Variants in MPDZ observed in about 807,000 individuals in gnomAD.
The protein encoded by MPDZ is multiple PDZ domain protein.
In MPDZ, 234 loss-of-function variants were observed where a neutral mutation model predicts 239.1. The ratio of observed to expected loss-of-function variants is 0.98; its 90% CI spans 0.88 to 1.09. MPDZ has a LOEUF of 1.09. Ranked by LOEUF, MPDZ falls within the 50% of genes least tolerant of loss-of-function variation. The pLI, the probability that MPDZ is intolerant of heterozygous loss-of-function variation, is 0.00. For synonymous variants in MPDZ, 1,048 were observed against 881.3 expected (o/e 1.19, Z -3.35); for missense variants, 3,175 against 2,510.0 (o/e 1.26, Z -5.66).
At chr9:13,146,947 C>T (rs1246698894) in intron 26 of MPDZ, among the ~76,000 whole-genome samples, 1 of 151,914 alleles carries the variant, frequency 6.6e-6, no homozygotes, top group Non-Finnish European at 1.5e-5. Context: ...GATGGCAAAA[C>T]GGGTTGGTAG....
rs544344037 is a variant in MPDZ at position 13,176,953 on chromosome 9, C to T, written c.2650-536G>A. ...TAGAAAGTTTTACAATTCAAATTAT[C>T]GTAGGAAAAATTTGCATAAATATTC... On this transcript the variant is annotated intron_variant, in intron 19 of 46. Coordinates refer to ENST00000319217, the MANE Select transcript of MPDZ (RefSeq NM_001378778.1). Among the ~76,000 whole-genome samples, 3 of 152,082 alleles carry T rather than the reference C, an allele frequency of 2.0e-5. No homozygotes were observed. The South Asian group carries it at 6.2e-4, about 32-fold the overall frequency.
chr9:13,136,030 T>C (rs2132246279), intron 31 of MPDZ, 62 bp downstream of exon 31: 2 of 1,113,046 alleles, frequency 1.8e-6, no homozygotes, highest in South Asian at 2.7e-5. Context: ...AATTGTTGAT[T>C]GAATTAATAA....
Position 13,136,752 on chromosome 9 carries a change from T to A in MPDZ, c.4252A>T (p.Ile1418Phe). Residue 1418 changes from isoleucine to phenylalanine, a missense_variant, in exon 30 of 47, where the codon ATT (isoleucine) becomes TTT (phenylalanine). Physicochemically the swap from Ile to Phe is conservative, Grantham distance 21. Transcript: ENST00000319217. ...GRSHQNASSIIKCAPSKVKII... is the reference protein window; with the variant it reads ...GRSHQNASSIFKCAPSKVKII... ...TTCACTTTAGAAGGGGCACATTTAA[T>A]GATTGATGAGGCATTCTGATGACTT... The A allele has an allele frequency of 6.2e-7, 1 of 1,603,588 alleles. No homozygotes were observed. Among genetic ancestry groups the A allele is most frequent in the Non-Finnish European group, 8.5e-7 (1 of 1,174,052 alleles).
rs183904489 is a variant in MPDZ, at chr9:13,126,470, C to T, written c.4632+46G>A. The T allele has an allele frequency of 2.7e-4, 363 of 1,328,438 alleles. 2 individuals are homozygous for T. In the East Asian group the frequency reaches 8.4e-3, roughly 31 times the overall value. 82.3% of individuals were successfully genotyped at this position (1,328,438 alleles called of 1,614,324 possible). On this transcript the variant is annotated intron_variant, in intron 34 of 46. Transcript: ENST00000319217. ...GCAGACACAAACACTTTAATCATGC[C>T]CAAGGATGGGCCTACATTACCATTT...
chr9:13,200,280 G>A (rs1233855677), intron 12 of MPDZ, among the ~76,000 whole-genome samples: 2 of 151,934 alleles, frequency 1.3e-5, no homozygotes, highest in East Asian at 1.9e-4. Flanking sequence ...TATTTCAATA[G>A]TATCAATTAT....
At chr9:13,269,771 C>T (rs146732508) in intron 1 of MPDZ, among the ~76,000 whole-genome samples, 1,771 of 152,238 alleles carry the variant, frequency 0.012, 37 homozygotes, top group African/African-American at 0.04. Context: ...ATTGGTAGTC[C>T]ACACTGCTGA....
At position 13,113,929 on chromosome 9, in the gene MPDZ, A is replaced by G; in HGVS notation, c.5557+2T>C. ...ATGTTTAAAATACTGAACCAATCTT[A>G]CATGCATTCTTCTTTGAGCTACTTT... On this transcript the variant is annotated splice_donor_variant, in intron 41 of 46. Transcript: ENST00000319217. LOFTEE classifies it high-confidence loss of function. 1.3e-6 allele frequency: 2 copies of G among 1,580,912 alleles called. No homozygotes were observed. The highest frequency in any genetic ancestry group is 2.3e-5 in the East Asian group (1 of 43,940).
At chr9:13,111,092 T>C (rs1395658376) in intron 43 of MPDZ, among the ~76,000 whole-genome samples, 1 of 152,234 alleles carries the variant, frequency 6.6e-6, no homozygotes, top group East Asian at 1.9e-4. Context: ...ACTATTATAA[T>C]CATTAGATGT....
chr9:13,151,867 C>G (rs1469734856), intron 24 of MPDZ, among the ~76,000 whole-genome samples: 1 of 145,140 alleles, frequency 6.9e-6, no homozygotes, highest in African/African-American at 2.7e-5. Context: ...TTACTTTGCT[C>G]AATTTATTAA....
rs73649151 is a variant in MPDZ at position 13,133,556 on chromosome 9, C to A, written c.4464+268G>T. 4.4e-3 allele frequency among the ~76,000 whole-genome samples: 663 copies of A among 152,270 alleles called. 6 individuals are homozygous for A. The highest frequency in any genetic ancestry group is 0.014 in the African/African-American group (582 of 41,550). Reference sequence around the variant, plus strand: ...CTTGGAATAATTATAAAAGGGCAAGCTGGACCCCTGATAAAGTATCAGCAC... The same window carrying A: ...CTTGGAATAATTATAAAAGGGCAAGATGGACCCCTGATAAAGTATCAGCAC... On this transcript the variant is annotated intron_variant, in intron 32 of 46. Coordinates refer to ENST00000319217, the MANE Select transcript of MPDZ (RefSeq NM_001378778.1).
chr9:13,141,019 A>T (rs1212963509), intron 27 of MPDZ: 1 of 151,706 alleles, frequency 6.6e-6, no homozygotes, highest in Non-Finnish European at 1.5e-5. Context: ...AAGATAAATG[A>T]GGAAACACAG....
intron 12 of MPDZ, among the ~76,000 whole-genome samples, chr9:13,203,386 C>T (rs897501422): frequency 3.9e-5 from 6 of 152,108 alleles, no homozygotes; most frequent in African/African-American, 1.4e-4. Flanking sequence ...AGTGGGGAAT[C>T]GTGCTGCTGA....
At chr9:13,238,188 G>C (rs896735650) in intron 3 of MPDZ, among the ~76,000 whole-genome samples, 2 of 152,198 alleles carry the variant, frequency 1.3e-5, no homozygotes, top group Non-Finnish European at 2.9e-5. Context: ...GTGAATGCCA[G>C]CAGTTGTGCC....
rs1955027100 is a variant in MPDZ at position 13,192,221 on chromosome 9, C to G, written c.1878G>C (p.Val626=). 1.2e-6 allele frequency: 2 copies of G among 1,609,476 alleles called. No homozygotes were observed. Among genetic ancestry groups the G allele is most frequent in the East Asian group, 4.5e-5 (2 of 44,620 alleles). ...CAGTTCGACGACAGCACACCATTGTCACTTCTATAGGCAGTTCTTTTAAGA... is the reference window on the plus strand; with the variant it reads ...CAGTTCGACGACAGCACACCATTGTGACTTCTATAGGCAGTTCTTTTAAGA... The part of the protein sequence containing the change: ...VNILKELPIE[V]TMVCCRRTVP... The change falls in exon 15 of 47, where the codon GTG becomes GTC. Residue 626 remains valine (V), a synonymous_variant. Transcript: ENST00000319217.
intron 38 of MPDZ, chr9:13,120,307 T>C (rs914576725): frequency 6.6e-6 from 1 of 152,072 alleles, no homozygotes. Context: ...TAGAAATATA[T>C]AGTAAAAGCT....
intron 22 of MPDZ, among the ~76,000 whole-genome samples, chr9:13,166,138 G>C (rs1269692205): frequency 6.6e-6 from 1 of 152,062 alleles, no homozygotes; most frequent in Non-Finnish European, 1.5e-5. Context: ...ATGAGAAAGA[G>C]ATGTGGATGG....
chr9:13,262,022 G>A (rs556000894), intron 1 of MPDZ, among the ~76,000 whole-genome samples: 1 of 151,480 alleles, frequency 6.6e-6, no homozygotes, highest in Non-Finnish European at 1.5e-5. Context: ...TCCAGCCTGG[G>A]CAACAGAACA....
At chr9:13,129,101 C>T (rs1945541700) in intron 32 of MPDZ, among the ~76,000 whole-genome samples, 1 of 152,100 alleles carries the variant, frequency 6.6e-6, no homozygotes, top group African/African-American at 2.4e-5. Flanking sequence ...GTATAATATG[C>T]CCAAACTCAA....
intron 32 of MPDZ, among the ~76,000 whole-genome samples, chr9:13,128,403 C>T (rs189295777): frequency 6.6e-6 from 1 of 152,310 alleles, no homozygotes; most frequent in East Asian, 1.9e-4. Flanking sequence ...CTGTTGCCAA[C>T]AGCCATTTGG....
Sources: gnomAD v4.1 joint callset for allele counts (sites outside exome capture counted in the v4.1 genomes callset) on GRCh38, gnomAD v4.1.1 for gene constraint, MANE v1.5 for transcripts, NCBI Gene and HGNC (gene_info 2026-07-23, HGNC 2026-07-21) for gene names.